HAUS3: variants seen among roughly 807,000 people sequenced by gnomAD.
The protein encoded by HAUS3 is HAUS augmin like complex subunit 3.
A neutral mutation model predicts 55.2 loss-of-function variants in HAUS3; 36 were observed. That is an observed-to-expected ratio of 0.65 (90% confidence interval 0.50 to 0.86). HAUS3 has a LOEUF of 0.86. HAUS3 is among the 40% of genes least tolerant of loss of function. The pLI is 0.00. For missense variants in HAUS3, 752 were observed against 671.5 expected, an observed-to-expected ratio of 1.12 and a Z score of -1.33; for synonymous variants, 234 against 238.6, an observed-to-expected ratio of 0.98 and a Z score of 0.18.
At chr4:2,238,064 G>T (rs564301597) in intron 4 of HAUS3, among the ~76,000 whole-genome samples, 1 of 152,154 alleles carries the variant, frequency 6.6e-6, no homozygotes, top group Non-Finnish European at 1.5e-5. Flanking sequence ...AAAATGAGGA[G>T]TAGGAGACAG....
In HAUS3 at chr4:2,229,130, C is replaced by T; in HGVS notation, c.*2797G>A. 1 of 1,609,934 alleles carries T rather than the reference C, an allele frequency of 6.2e-7. No individual in the cohort carries two copies. The highest frequency in any genetic ancestry group is 2.2e-5 in the East Asian group (1 of 44,810). On this transcript the variant is annotated 3_prime_UTR_variant, in exon 6 of 6. Coordinates refer to ENST00000443786, the MANE Select transcript of HAUS3 (RefSeq NM_001303143.2). Reference sequence around the variant, plus strand: ...TACTCTTTCCCCAAGTCTTAGAATCCACTAAATCACCTGAATGCATAGCAG... The same window carrying T: ...TACTCTTTCCCCAAGTCTTAGAATCTACTAAATCACCTGAATGCATAGCAG...
intron 4 of HAUS3, 99 bp downstream of exon 4, chr4:2,238,505 G>A: frequency 1.5e-6 from 1 of 672,792 alleles, no homozygotes; most frequent in Middle Eastern, 4.6e-4. Flanking sequence ...GAAATGCAAA[G>A]AATTGTTAAA....
At position 2,229,033 on chromosome 4, in the gene HAUS3, C is replaced by A. The variant is rs1734482856; in HGVS notation, c.*2894G>T. 4 of 1,461,386 alleles carry A rather than the reference C, an allele frequency of 2.7e-6. No homozygotes were observed. Among genetic ancestry groups the A allele is most frequent in the South Asian group, 2.6e-5 (2 of 77,262 alleles). The allele number at this position is 1,461,386 out of a possible 1,614,324, so 90.5% of individuals were successfully genotyped here. On this transcript the variant is annotated 3_prime_UTR_variant, in exon 6 of 6. Coordinates refer to ENST00000443786, the MANE Select transcript of HAUS3 (RefSeq NM_001303143.2). Reference sequence around the variant, plus strand: ...GTCTACATGCATTCCATTTTCAATTCTTAGTCTTTAGAACAATTAACATTC... The same window carrying A: ...GTCTACATGCATTCCATTTTCAATTATTAGTCTTTAGAACAATTAACATTC...
At position 2,230,488 on chromosome 4, in the gene HAUS3, T is replaced by C. The variant is rs1242622613; in HGVS notation, c.*1439A>G. On this transcript the variant is annotated 3_prime_UTR_variant, in exon 6 of 6. Coordinates refer to ENST00000443786, the MANE Select transcript of HAUS3 (RefSeq NM_001303143.2). ...ACATATACAACAAAAAAAAAGTTGC[T>C]CAGGTGATAGGGAGCTGATAGCAAA... is the stretch of plus-strand genomic sequence containing the variant. 4.6e-5 allele frequency: 7 copies of C among 152,052 alleles called. No individual in the cohort carries two copies. Among genetic ancestry groups the C allele is most frequent in the African/African-American group, 1.7e-4 (7 of 41,370 alleles). 9.4% of individuals were successfully genotyped at this position (152,052 alleles called of 1,614,324 possible).
At chr4:2,237,573 C>T (rs1260413687) in intron 4 of HAUS3, among the ~76,000 whole-genome samples, 2 of 152,006 alleles carry the variant, frequency 1.3e-5, no homozygotes, top group Admixed American at 1.3e-4. Flanking sequence ...GAATTTGAAA[C>T]GGAAGACCTA....
intron 5 of HAUS3, among the ~76,000 whole-genome samples, chr4:2,232,670 T>C (rs1194012317): frequency 6.6e-6 from 1 of 150,888 alleles, no homozygotes; most frequent in African/African-American, 2.5e-5. Context: ...CAAATAGAAT[T>C]ACACATGACA....
intron 2 of HAUS3, 68 bp from the exon 3 acceptor site, chr4:2,241,161 A>G: frequency 2.1e-6 from 1 of 470,500 alleles, no homozygotes; most frequent in South Asian, 3.2e-5. Context: ...GAAGACACAG[A>G]CAAATATCAC....
At chr4:2,235,894 G>A (rs1369588729) in intron 5 of HAUS3, among the ~76,000 whole-genome samples, 4 of 151,998 alleles carry the variant, frequency 2.6e-5, no homozygotes, top group East Asian at 3.8e-4. Flanking sequence ...GTACACAGAG[G>A]ATTTTAAAGC....
intron 5 of HAUS3, among the ~76,000 whole-genome samples, chr4:2,234,822 T>C (rs1290353658): frequency 6.6e-6 from 1 of 152,154 alleles, no homozygotes; most frequent in Non-Finnish European, 1.5e-5. Context: ...ACTTTAAACC[T>C]GGATATAACT....
intron 3 of HAUS3, among the ~76,000 whole-genome samples, chr4:2,239,372 G>C (rs1453410673): frequency 6.6e-6 from 1 of 152,110 alleles, no homozygotes; most frequent in African/African-American, 2.4e-5. Context: ...TTTTTCTTAA[G>C]TTAAAATTAC....
chr4:2,241,134 G>GT, intron 2 of HAUS3, 41 bp from the exon 3 acceptor site: 1 of 510,882 alleles, frequency 2.0e-6, no homozygotes, highest in Admixed American at 3.9e-5. Flanking sequence ...CAAATATGAC[G>GT]ACAGTGTTTT....
rs1212360540 is a variant in HAUS3 at position 2,240,195 on chromosome 4, T to G, written c.752A>C (p.Asn251Thr). 2.5e-6 allele frequency: 4 copies of G among 1,613,970 alleles called. No homozygotes were observed. Among genetic ancestry groups the G allele is most frequent in the African/African-American group, 1.3e-5 (1 of 74,942 alleles). Residue 251 changes from asparagine to threonine, a missense_variant, in exon 3 of 6, where the codon AAT (asparagine) becomes ACT (threonine). Asn to Thr is a moderately conservative substitution (Grantham distance 65). Transcript: ENST00000443786. ...LDIQTPSICD[N>T]QEILEERRLE... ...TCGTCTCTCCTCAAGGATTTCTTGA[T>G]TATCACAAATAGATGGTGTCTGTAT... is the stretch of plus-strand genomic sequence containing the variant.
At position 2,240,654 on chromosome 4, in the gene HAUS3, T is replaced by G. The variant is rs780230257; in HGVS notation, c.293A>C (p.Glu98Ala). The change falls in exon 3 of 6, where the codon GAG becomes GCG. Residue 98 changes from glutamate (E) to alanine (A), a missense_variant. Coordinates refer to ENST00000443786, the MANE Select transcript of HAUS3 (RefSeq NM_001303143.2). ...AACCTCATCCTCTAATTTCTCCAGC[T>G]CTTTATCATCCAGTCTAGGTGTCTT... is the stretch of plus-strand genomic sequence containing the variant. ...DLKTPRLDDK[E>A]LEKLEDEVQT... is the part of the protein sequence containing the mutation. The G allele has an allele frequency of 6.2e-7, 1 of 1,613,970 alleles. No individual in the cohort carries two copies. The highest frequency in any genetic ancestry group is 8.5e-7 in the Non-Finnish European group (1 of 1,179,996).
intron 5 of HAUS3, chr4:2,234,126 A>C (rs974415513): frequency 2.6e-5 from 4 of 152,258 alleles, no homozygotes; most frequent in African/African-American, 9.6e-5. Context: ...ACAGTAATTA[A>C]ATCAAGACAG....
intron 5 of HAUS3, chr4:2,234,176 T>A (rs1025719684): frequency 6.6e-6 from 1 of 151,964 alleles, no homozygotes; most frequent in Non-Finnish European, 1.5e-5. Flanking sequence ...ATTTAGAGAG[T>A]AAAAATGTTT....
Position 2,238,758 on chromosome 4 carries a change from G to T in HAUS3, c.1195C>A (p.Arg399=), listed in dbSNP as rs148548454. 15 of 1,613,562 alleles carry T rather than the reference G, an allele frequency of 9.3e-6. No homozygotes were observed. The highest frequency in any genetic ancestry group is 2.5e-6 in the Non-Finnish European group (3 of 1,179,832). The change falls in exon 4 of 6, where the codon CGG becomes AGG. Residue 399 remains arginine, a synonymous_variant. Transcript: ENST00000443786. The part of the protein sequence containing the change: ...LSYEIELRKH[R]DIYRQLENLV... ...TTTTCAAGTTGACGATATATGTCCC[G>T]ATGCTTTCTTAATTCAATTTCATAT...
rs1158379763 is a variant in HAUS3, at chr4:2,240,084, G to A, written c.863C>T (p.Ser288Leu). ...ACTCTCCTCTGCCCATTTTATACTT[G>A]ACTTCATGCTCGAATTACTTGCTTT... is the stretch of plus-strand genomic sequence containing the variant. ...HLKASNSSMK[S>L]SIKWAEESLH... Residue 288 changes from serine to leucine, a missense_variant, in exon 3 of 6, where the codon TCA becomes TTA. Physicochemically the swap from Ser to Leu is moderately radical, Grantham distance 145. Transcript: ENST00000443786. 2 of 1,613,776 alleles carry A rather than the reference G, an allele frequency of 1.2e-6. No individual in the cohort carries two copies. The highest frequency in any genetic ancestry group is 1.3e-5 in the African/African-American group (1 of 74,890).
Position 2,240,573 on chromosome 4 carries a change from A to G in HAUS3, c.374T>C (p.Leu125Ser), listed in dbSNP as rs1233300729. 1.2e-6 allele frequency: 2 copies of G among 1,612,986 alleles called. No individual in the cohort carries two copies. Among genetic ancestry groups the G allele is most frequent in the Admixed American group, 3.3e-5 (2 of 59,708 alleles). Residue 125 changes from leucine to serine, a missense_variant, in exon 3 of 6, where the codon TTG becomes TCG. Leu to Ser is a moderately radical substitution (Grantham distance 145, BLOSUM62 -2). Transcript: ENST00000443786. ...TTTGTGGCTAGTTACTGAAGCCATC[A>G]ATTGACATTTATTACGTCGCTGAAT... ...LKIQRRNKCQLMASVTSHKSL... is the reference protein window; with the variant it reads ...LKIQRRNKCQSMASVTSHKSL...
chr4:2,241,974 C>G (rs1735006754), intron 1 of HAUS3, 77 bp downstream of exon 1: 6 of 985,574 alleles, frequency 6.1e-6, no homozygotes, highest in Non-Finnish European at 7.2e-6. Flanking sequence ...AAAGAGGCAC[C>G]TGGGTGCAGA....
Sources: gnomAD v4.1 joint callset for allele counts (sites outside exome capture counted in the v4.1 genomes callset) on GRCh38, gnomAD v4.1.1 for gene constraint, MANE v1.5 for transcripts, NCBI Gene and HGNC (gene_info 2026-07-23, HGNC 2026-07-21) for gene names.